Variants in RARB observed in about 807,000 individuals in gnomAD.
The protein encoded by RARB is retinoic acid receptor beta.
RARB carries 17 observed loss-of-function variants against 51.9 expected under a neutral mutation model. That is an observed-to-expected ratio of 0.33 (90% CI 0.22 to 0.49). The LOEUF (loss-of-function observed/expected upper bound fraction) is 0.49. Ranked by LOEUF, RARB falls within the 20% of genes least tolerant of loss-of-function variation. RARB has a pLI of 0.99. For missense variants in RARB, 369 were observed against 550.8 expected, an observed-to-expected ratio of 0.67 and a Z score of 3.30; for synonymous variants, 215 against 195.4, an observed-to-expected ratio of 1.10 and a Z score of -0.84.
At chr3:25,378,593 C>A (rs565836377) in intron 5 of RARB, among the ~76,000 whole-genome samples, 38 of 152,328 alleles carry the variant, frequency 2.5e-4, no homozygotes, top group Admixed American at 2.1e-3. Context: ...TCTCTGCTAT[C>A]ATCATAAAAC....
At chr3:25,050,894 C>G (rs116419740) in intron 2 of RARB, among the ~76,000 whole-genome samples, 2,090 of 152,244 alleles carry the variant, frequency 0.014, 43 homozygotes, top group African/African-American at 0.047. Context: ...TGTTGACCAT[C>G]CACTCCTCTT....
chr3:24,937,985 C>T (rs1486653394), intron 2 of RARB, among the ~76,000 whole-genome samples: 1 of 152,144 alleles, frequency 6.6e-6, no homozygotes, highest in Non-Finnish European at 1.5e-5. Flanking sequence ...TCACTTGATT[C>T]AGTACATTTC....
chr3:25,222,553 A>T (rs1054055460), intron 5 of RARB, among the ~76,000 whole-genome samples: 1 of 152,208 alleles, frequency 6.6e-6, no homozygotes, highest in Non-Finnish European at 1.5e-5. Context: ...TAAATAGAAG[A>T]TAGAAAAAAA....
chr3:25,172,705 C>T (rs1305137576), intron 4 of RARB, among the ~76,000 whole-genome samples: 1 of 152,112 alleles, frequency 6.6e-6, no homozygotes, highest in African/African-American at 2.4e-5. Context: ...TTGTCTATTC[C>T]AGCAAGCTTG....
At chr3:24,878,536 ACT>A (rs1180918579) in intron 2 of RARB, among the ~76,000 whole-genome samples, 2 of 151,982 alleles carry the variant, frequency 1.3e-5, no homozygotes, top group East Asian at 3.9e-4. Flanking sequence ...CTAAAGCAGG[ACT>A]CTCAACATTG....
intron 2 of RARB, among the ~76,000 whole-genome samples, chr3:24,971,734 T>C (rs1696402280): frequency 6.6e-6 from 1 of 152,032 alleles, no homozygotes; most frequent in Non-Finnish European, 1.5e-5. Flanking sequence ...TTTATTAGCA[T>C]AACTTGGGCT....
intron 2 of RARB, among the ~76,000 whole-genome samples, chr3:25,002,069 C>T (rs974176065): frequency 1.3e-5 from 2 of 152,130 alleles, no homozygotes; most frequent in African/African-American, 2.4e-5. Flanking sequence ...CCATACCTGG[C>T]TTATATGTCA....
At chr3:24,913,980 G>GT (rs1695054298) in intron 2 of RARB, among the ~76,000 whole-genome samples, 1 of 152,142 alleles carries the variant, frequency 6.6e-6, no homozygotes, top group Non-Finnish European at 1.5e-5. Flanking sequence ...CTATGCGATG[G>GT]AAATACACAC....
intron 1 of RARB, among the ~76,000 whole-genome samples, chr3:25,456,297 G>A (rs1694899407): frequency 2.6e-5 from 4 of 152,110 alleles, no homozygotes; most frequent in Admixed American, 2.6e-4. Context: ...ACTGGTAAAA[G>A]GAAAGCCATG....
At chr3:24,847,758 T>A (rs1472263047) in intron 1 of RARB, among the ~76,000 whole-genome samples, 1 of 152,204 alleles carries the variant, frequency 6.6e-6, no homozygotes, top group Non-Finnish European at 1.5e-5. Flanking sequence ...GAAATCTTGT[T>A]AAAATACAAG....
chr3:25,509,884 C>T (rs1697802738), intron 3 of RARB, among the ~76,000 whole-genome samples: 1 of 152,172 alleles, frequency 6.6e-6, no homozygotes, highest in South Asian at 2.1e-4. Flanking sequence ...TCCATCTCTC[C>T]TCTGCCTTAT....
At chr3:24,910,747 C>A (rs1035840536) in intron 2 of RARB, among the ~76,000 whole-genome samples, 1 of 152,064 alleles carries the variant, frequency 6.6e-6, no homozygotes, top group Non-Finnish European at 1.5e-5. Flanking sequence ...ATAGTCAACC[C>A]GATGCAGAAA....
chr3:25,392,916 C>T (rs1707008075), intron 5 of RARB, among the ~76,000 whole-genome samples: 1 of 152,062 alleles, frequency 6.6e-6, no homozygotes, highest in Admixed American at 6.6e-5. Context: ...CTAGGACTTC[C>T]AGTACTATGT....
At chr3:25,374,949 C>G (rs1005816541) in intron 5 of RARB, among the ~76,000 whole-genome samples, 6 of 151,660 alleles carry the variant, frequency 4.0e-5, no homozygotes, top group African/African-American at 1.5e-4. Flanking sequence ...TCCTTTTTTT[C>G]TTGGGTTCCT....
Position 25,396,757 on chromosome 3 carries a change from T to A in RARB, c.179-64436T>A, listed in dbSNP as rs144594145. On this transcript the variant is annotated intron_variant, in intron 5 of 11. Coordinates refer to the RARB transcript ENST00000383772. Reference sequence around the variant, plus strand: ...TGGTTCTCAGGCCCATGGAGTTATGTTCCCAGGGGGATTATGGTTGCCTCT... The same window carrying A: ...TGGTTCTCAGGCCCATGGAGTTATGATCCCAGGGGGATTATGGTTGCCTCT... 8.6e-3 allele frequency among the ~76,000 whole-genome samples: 1,307 copies of A among 152,204 alleles called. 9 individuals are homozygous for A. The highest frequency in any genetic ancestry group is 0.02 in the Middle Eastern group (6 of 294).
intron 5 of RARB, among the ~76,000 whole-genome samples, chr3:25,383,862 G>A (rs927143794): frequency 5.9e-5 from 9 of 151,960 alleles, no homozygotes; most frequent in East Asian, 1.9e-4. Context: ...CCTGGAAGGC[G>A]GAGGTTGCAG....
chr3:24,889,836 A>G (rs1703342979), intron 2 of RARB, among the ~76,000 whole-genome samples: 1 of 151,758 alleles, frequency 6.6e-6, no homozygotes, highest in South Asian at 2.1e-4. Context: ...CAAAAGTTTC[A>G]TATTTATTAA....
chr3:24,849,155 ATAAAT>A (rs1331659256), intron 1 of RARB, among the ~76,000 whole-genome samples: 2 of 152,230 alleles, frequency 1.3e-5, no homozygotes, highest in East Asian at 1.9e-4. Context: ...CGTTTAATTT[ATAAAT>A]TAAACACAGT....
chr3:25,072,892 A>G (rs1034158705), intron 3 of RARB, among the ~76,000 whole-genome samples: 2 of 151,808 alleles, frequency 1.3e-5, no homozygotes, highest in African/African-American at 4.8e-5. Context: ...GTATTTTTTT[A>G]GTAGAGACGA....
Sources: gnomAD v4.1 joint callset for allele counts (sites outside exome capture counted in the v4.1 genomes callset) on GRCh38, gnomAD v4.1.1 for gene constraint, MANE v1.5 for transcripts, NCBI Gene and HGNC (gene_info 2026-07-23, HGNC 2026-07-21) for gene names.